Variants in PCDHGA8 observed in about 807,000 individuals in gnomAD.
The protein encoded by PCDHGA8 is protocadherin gamma-A8.
A neutral mutation model predicts 59.2 loss-of-function variants in PCDHGA8; 45 were observed. The ratio of observed to expected loss-of-function variants is 0.76; its 90% CI spans 0.60 to 0.98. The LOEUF is 0.98. Among genes scored for constraint, PCDHGA8 ranks in the 50% least tolerant of loss-of-function variants. PCDHGA8 has a pLI of 0.00. For synonymous variants in PCDHGA8, 531 were observed against 519.0 expected (o/e 1.02, Z -0.32); for missense variants, 1,257 against 1,196.2 (o/e 1.05, Z -0.75).
intron 1 of PCDHGA8, chr5:141,430,828 G>C (rs760402028): frequency 1.3e-6 from 2 of 1,554,030 alleles, no homozygotes; most frequent in East Asian, 2.2e-5. Context: ...TGGGGACTCT[G>C]TGGGAGACCG....
Position 141,485,785 on chromosome 5 carries a change from G to C in PCDHGA8, c.2425-9022G>C. ...TGGAGAAGCCTTTGGATCGAGAGAAGCAATCGGACTACCGCCTGGTGCTGA... is the reference window on the plus strand; with the variant it reads ...TGGAGAAGCCTTTGGATCGAGAGAACCAATCGGACTACCGCCTGGTGCTGA... On this transcript the variant is annotated intron_variant, in intron 1 of 3. Coordinates refer to ENST00000398604, the MANE Select transcript of PCDHGA8 (RefSeq NM_032088.2). The surrounding 1 kb of genome is among the most constrained non-coding windows in gnomAD (Gnocchi z 5.7). The C allele has an allele frequency of 1.2e-6, 2 of 1,614,214 alleles. No individual in the cohort carries two copies. The highest frequency in any genetic ancestry group is 1.7e-6 in the Non-Finnish European group (2 of 1,180,030).
intron 1 of PCDHGA8, among the ~76,000 whole-genome samples, chr5:141,475,625 G>C (rs1172186188): frequency 2.0e-5 from 3 of 152,204 alleles, no homozygotes; most frequent in African/African-American, 7.2e-5. Flanking sequence ...GGTTTGGTTC[G>C]ATCCCCTTTC....
rs530261329 is a variant in PCDHGA8, at chr5:141,440,076, A to G, written c.2424+44839A>G. 2.4e-4 allele frequency: 37 copies of G among 152,560 alleles called. No individual in the cohort carries two copies. In the South Asian group the frequency reaches 3.7e-3, roughly 15 times the overall value. The allele number at this position is 152,560 out of a possible 1,614,324, so 9.5% of individuals were successfully genotyped here. On this transcript the variant is annotated intron_variant, in intron 1 of 3. Coordinates refer to ENST00000398604, the MANE Select transcript of PCDHGA8 (RefSeq NM_032088.2). Reference sequence around the variant, plus strand: ...CTTCGGGTTAATGCTGAGGAATAATACTTCATTCTAAGTGGGGAAAGTGGA... The same window carrying G: ...CTTCGGGTTAATGCTGAGGAATAATGCTTCATTCTAAGTGGGGAAAGTGGA...
At chr5:141,426,720 A>T (rs1448232477) in intron 1 of PCDHGA8, 4 of 447,600 alleles carry the variant, frequency 8.9e-6, no homozygotes, top group Non-Finnish European at 1.8e-5. Flanking sequence ...TGAACTAGCA[A>T]TTCCAGGCAT....
Position 141,431,859 on chromosome 5 carries a change from C to T in PCDHGA8, c.2424+36622C>T. ...AACTCTCCCAGAGGGACATTAATTG[C>T]CCTTTTAAATGTAAATGACCAAGAT... On this transcript the variant is annotated intron_variant, in intron 1 of 3. Coordinates refer to ENST00000398604, the MANE Select transcript of PCDHGA8 (RefSeq NM_032088.2). The surrounding 1 kb of genome is among the most constrained non-coding windows in gnomAD (Gnocchi z 4.8). 3.1e-6 allele frequency: 5 copies of T among 1,614,178 alleles called. No homozygotes were observed. The highest frequency in any genetic ancestry group is 4.2e-6 in the Non-Finnish European group (5 of 1,180,008).
At chr5:141,478,740 C>T (rs2099474176) in intron 1 of PCDHGA8, 7 of 1,531,524 alleles carry the variant, frequency 4.6e-6, no homozygotes, top group Non-Finnish European at 6.2e-6. Flanking sequence ...GGTTTGTGGT[C>T]CCATTTCAGG....
chr5:141,428,508 T>G, intron 1 of PCDHGA8: 1 of 279,550 alleles, frequency 3.6e-6, no homozygotes, highest in South Asian at 4.0e-5. Flanking sequence ...CCTCGGATTC[T>G]AGAAAAAGAA....
rs768767029 is a variant in PCDHGA8, at chr5:141,477,838, G to A, written c.2425-16969G>A. The A allele has an allele frequency of 6.2e-7, 1 of 1,612,892 alleles. No individual in the cohort carries two copies. The highest frequency in any genetic ancestry group is 1.1e-5 in the South Asian group (1 of 90,982). ...AGGTCCTATATCCTCGGCCAGGTGG[G>A]AGCTCGGTGGAGATGCTGCCTCGAG... On this transcript the variant is annotated intron_variant, in intron 1 of 3. Transcript: ENST00000398604. This position sits in a 1 kb window ranked among gnomAD's most constrained non-coding sequence, Gnocchi z 4.9.
intron 2 of PCDHGA8, among the ~76,000 whole-genome samples, chr5:141,502,358 TA>T (rs1283802909): frequency 6.6e-6 from 1 of 152,134 alleles, no homozygotes; most frequent in African/African-American, 2.4e-5. Context: ...ATGACATGGA[TA>T]TTTTTAAAGA....
At chr5:141,468,077 C>T (rs180732917) in intron 1 of PCDHGA8, among the ~76,000 whole-genome samples, 1 of 152,152 alleles carries the variant, frequency 6.6e-6, no homozygotes, top group East Asian at 1.9e-4. Flanking sequence ...GTAATCCCAG[C>T]ACTTTGGGAG....
At chr5:141,488,236 T>G (rs1333427955) in intron 1 of PCDHGA8, among the ~76,000 whole-genome samples, 2 of 152,154 alleles carry the variant, frequency 1.3e-5, no homozygotes, top group Non-Finnish European at 2.9e-5. Context: ...TTGAACTAGA[T>G]GCGGTAAATT....
At chr5:141,444,471 G>A (rs929365899) in intron 1 of PCDHGA8, among the ~76,000 whole-genome samples, 1 of 151,876 alleles carries the variant, frequency 6.6e-6, no homozygotes, top group Non-Finnish European at 1.5e-5. Flanking sequence ...GCGCCCGGTC[G>A]CGTACTGGAT....
In PCDHGA8 at chr5:141,403,600, T is replaced by C. The variant is rs530169293; in HGVS notation, c.2424+8363T>C. 72 of 1,613,786 alleles carry C rather than the reference T, an allele frequency of 4.5e-5. 1 individual carries two copies. The East Asian group carries it at 1.6e-3, about 35-fold the overall frequency. On this transcript the variant is annotated intron_variant, in intron 1 of 3. Coordinates refer to ENST00000398604, the MANE Select transcript of PCDHGA8 (RefSeq NM_032088.2). ...ACCACCTGGTCCTCACGGCCTCGGATGGCGGCGAGCCGCGTCGCTCCAGCA... is the reference window on the plus strand; with the variant it reads ...ACCACCTGGTCCTCACGGCCTCGGACGGCGGCGAGCCGCGTCGCTCCAGCA...
At position 141,486,455 on chromosome 5, in the gene PCDHGA8, T is replaced by G; in HGVS notation, c.2425-8352T>G. On this transcript the variant is annotated intron_variant, in intron 1 of 3. Transcript: ENST00000398604. This position sits in a 1 kb window ranked among gnomAD's most constrained non-coding sequence, Gnocchi z 5.0. Reference sequence around the variant, plus strand: ...TAGCTATGACATCATGGTCACTGCTTCTGATGCTGGGAACCCTCCTCTCAG... The same window carrying G: ...TAGCTATGACATCATGGTCACTGCTGCTGATGCTGGGAACCCTCCTCTCAG... 6.2e-7 allele frequency: 1 copy of G among 1,614,066 alleles called. No homozygotes were observed. Among genetic ancestry groups the G allele is most frequent in the Non-Finnish European group, 8.5e-7 (1 of 1,179,892 alleles).
At chr5:141,471,901 G>C (rs1224804131) in intron 1 of PCDHGA8, among the ~76,000 whole-genome samples, 1 of 152,146 alleles carries the variant, frequency 6.6e-6, no homozygotes, top group Non-Finnish European at 1.5e-5. Context: ...ATTGACTACA[G>C]ACAAGCATGA....
At position 141,422,526 on chromosome 5, in the gene PCDHGA8, G is replaced by A. The variant is rs956066609; in HGVS notation, c.2424+27289G>A. 9 of 1,613,866 alleles carry A rather than the reference G, an allele frequency of 5.6e-6. No homozygotes were observed. In the African/African-American group the frequency reaches 1.1e-4, roughly 19 times the overall value. The stretch of plus-strand genomic sequence containing the variant: ...CCACAGACCAGGGAAGCCCGCCTTT[G>A]TCTGCAGAAACTCATGTCTGGCTGA... On this transcript the variant is annotated intron_variant, in intron 1 of 3. Coordinates refer to ENST00000398604, the MANE Select transcript of PCDHGA8 (RefSeq NM_032088.2).
At position 141,419,169 on chromosome 5, in the gene PCDHGA8, C is replaced by T. The variant is rs746258255; in HGVS notation, c.2424+23932C>T. 73 of 1,613,970 alleles carry T rather than the reference C, an allele frequency of 4.5e-5. No homozygotes were observed. The highest frequency in any genetic ancestry group is 3.3e-4 in the Middle Eastern group (2 of 6,062). The stretch of plus-strand genomic sequence containing the variant: ...AAGCCTCCGTTATCCTCCAGCAAAA[C>T]CATAACCCTGCACATTACTGACGTC... On this transcript the variant is annotated intron_variant, in intron 1 of 3. Coordinates refer to ENST00000398604, the MANE Select transcript of PCDHGA8 (RefSeq NM_032088.2).
chr5:141,472,733 C>T (rs1450872513), intron 1 of PCDHGA8, among the ~76,000 whole-genome samples: 2 of 151,996 alleles, frequency 1.3e-5, no homozygotes, highest in Non-Finnish European at 2.9e-5. Context: ...CACCTGTAAT[C>T]CCAGCACTTT....
At chr5:141,503,335 G>A (rs111643076) in intron 2 of PCDHGA8, among the ~76,000 whole-genome samples, 108 of 152,220 alleles carry the variant, frequency 7.1e-4, no homozygotes, top group African/African-American at 2.4e-3. Context: ...GGTGGCTCAC[G>A]CCTGTAATTC....
Sources: gnomAD v4.1 joint callset for allele counts (sites outside exome capture counted in the v4.1 genomes callset) on GRCh38, gnomAD v4.1.1 for gene constraint, Gnocchi (gnomAD v3.1) non-coding constraint, MANE v1.5 for transcripts, NCBI Gene and HGNC (gene_info 2026-07-23, HGNC 2026-07-21) for gene names.